COMT: variants seen among roughly 807,000 people sequenced by gnomAD.
The protein encoded by COMT is catechol O-methyltransferase.
In COMT, 13 loss-of-function variants were observed where a neutral mutation model predicts 18.9. That is an observed-to-expected ratio of 0.69 (90% CI 0.45 to 1.09). COMT has a LOEUF of 1.09. Ranked by LOEUF, COMT falls within the 50% of genes least tolerant of loss-of-function variation. The pLI is 0.00. For missense variants in COMT, 329 were observed against 361.8 expected, an observed-to-expected ratio of 0.91 and a Z score of 0.73; for synonymous variants, 150 against 160.9, an observed-to-expected ratio of 0.93 and a Z score of 0.51.
intron 2 of COMT, chr22:19,962,201 C>G: frequency 2.4e-6 from 1 of 413,052 alleles, no homozygotes; most frequent in Admixed American, 3.7e-5. Flanking sequence ...AGCCTGAGTC[C>G]GTGTCTGCTT....
intron 5 of COMT, chr22:19,967,576 C>T (rs1942487110): frequency 2.7e-6 from 1 of 367,084 alleles, no homozygotes. Flanking sequence ...CACCCACCAC[C>T]AGGACAGCTG....
At position 19,968,731 on chromosome 22, in the gene COMT, C is replaced by T. The variant is rs752040355; in HGVS notation, c.811C>T (p.Pro271Ser). 6.4e-7 allele frequency: 1 copy of T among 1,569,056 alleles called. No individual in the cohort carries two copies. The highest frequency in any genetic ancestry group is 1.1e-5 in the South Asian group (1 of 89,304). Residue 271 changes from proline to serine, a missense_variant, in exon 6 of 6, where the codon CCC becomes TCC. By Grantham distance (74) the Pro-to-Ser change is moderately conservative (BLOSUM62 -1). Transcript: ENST00000361682. ...IYKGPGSEAG[P>S] Reference sequence around the variant, plus strand: ...CAAGGGCCCAGGCAGCGAAGCAGGGCCCTGACTGCCCCCCCGGCCCCCCTC... The same window carrying T: ...CAAGGGCCCAGGCAGCGAAGCAGGGTCCTGACTGCCCCCCCGGCCCCCCTC...
intron 1 of COMT, among the ~76,000 whole-genome samples, chr22:19,947,981 T>C (rs1016114544): frequency 6.6e-6 from 1 of 152,216 alleles, no homozygotes; most frequent in African/African-American, 2.4e-5. Flanking sequence ...GCTTGTCTTC[T>C]GGTCACTTCT....
intron 3 of COMT, chr22:19,963,252 G>T: frequency 1.8e-6 from 1 of 542,756 alleles, no homozygotes; most frequent in Non-Finnish European, 3.3e-6. Context: ...ATTCAGAGAG[G>T]GCAGCTCTGT....
At position 19,945,757 on chromosome 22, in the gene COMT, C is replaced by T. The variant is rs538993898; in HGVS notation, c.-92+3860C>T. On this transcript the variant is annotated intron_variant, in intron 1 of 5. Transcript: ENST00000361682. ...CTCAGCTCACTGCAAGCTCCGCCTC[C>T]TGGGTTTACACCATTCTCCTGCCTC... Among the ~76,000 whole-genome samples the T allele has an allele frequency of 2.0e-3, 299 of 152,242 alleles. 4 individuals carry two copies. The highest frequency in any genetic ancestry group is 6.9e-3 in the African/African-American group (288 of 41,546).
intron 5 of COMT, among the ~76,000 whole-genome samples, chr22:19,966,725 G>A (rs1322649094): frequency 6.6e-6 from 1 of 151,992 alleles, no homozygotes; most frequent in Non-Finnish European, 1.5e-5. Flanking sequence ...ACAGGTGTGT[G>A]CTTGGTCTGA....
At chr22:19,963,412 C>A in intron 3 of COMT, 154 bp from the exon 4 acceptor site, 1 of 846,388 alleles carries the variant, frequency 1.2e-6, no homozygotes, top group Non-Finnish European at 1.9e-6. Flanking sequence ...AAATACCCCT[C>A]CAGCGGGTAG....
At chr22:19,946,909 A>AG (rs1491039563) in intron 1 of COMT, among the ~76,000 whole-genome samples, 1,854 of 96,482 alleles carry the variant, frequency 0.019, 94 homozygotes, top group African/African-American at 0.054. Flanking sequence ...ATTTTTTTTT[A>AG]GTTTTTTTTT....
At chr22:19,952,612 C>G (rs1203391629) in intron 1 of COMT, among the ~76,000 whole-genome samples, 1 of 150,384 alleles carries the variant, frequency 6.6e-6, no homozygotes, top group East Asian at 2.0e-4. Context: ...GCACTCTAGC[C>G]TGGGAGACAG....
In COMT at chr22:19,969,000, G is replaced by A. The variant is rs1942593681; in HGVS notation, c.*264G>A. On this transcript the variant is annotated 3_prime_UTR_variant, in exon 6 of 6. Coordinates refer to ENST00000361682, the MANE Select transcript of COMT (RefSeq NM_000754.4). ...TATCATGTTTTAAAAATATAAAATA[G>A]AAATTAAGAATCTAAATATTTAGAT... is the stretch of plus-strand genomic sequence containing the variant. 1 of 359,234 alleles carries A rather than the reference G, an allele frequency of 2.8e-6. No homozygotes were observed. The highest frequency in any genetic ancestry group is 4.2e-5 in the Admixed American group (1 of 23,770). 22.3% of individuals were successfully genotyped at this position (359,234 alleles called of 1,614,324 possible). A position where few individuals can be genotyped will look rare whatever the true frequency, so the allele number is the denominator to read the frequency against.
At position 19,968,660 on chromosome 22, in the gene COMT, T is replaced by C; in HGVS notation, c.740T>C (p.Phe247Ser). The C allele has an allele frequency of 1.2e-6, 2 of 1,614,020 alleles. No individual in the cohort carries two copies. The highest frequency in any genetic ancestry group is 1.7e-6 in the Non-Finnish European group (2 of 1,180,004). Residue 247 changes from phenylalanine to serine, a missense_variant, in exon 6 of 6, where the codon TTC becomes TCC. Phe to Ser is a radical substitution (Grantham distance 155). Transcript: ENST00000361682. ...SCFECTHYQS[F>S]LEYREVVDGL... ...TTTGAGTGCACACACTACCAATCGT[T>C]CCTGGAATACAGGGAGGTGGTGGAC...
chr22:19,960,848 T>C (rs1172972969), intron 1 of COMT, among the ~76,000 whole-genome samples: 2 of 152,272 alleles, frequency 1.3e-5, no homozygotes, highest in Non-Finnish European at 2.9e-5. Context: ...TCCAAGGTAC[T>C]AAGGACTCTT....
intron 1 of COMT, among the ~76,000 whole-genome samples, chr22:19,947,432 A>AT (rs1049952236): frequency 9.2e-5 from 14 of 152,180 alleles, no homozygotes; most frequent in African/African-American, 3.4e-4. Flanking sequence ...CTGCGCTGTT[A>AT]TTTATTGGAT....
intron 1 of COMT, among the ~76,000 whole-genome samples, chr22:19,954,236 TCCCCTGAGCCTGGGGG>T (rs1942012380): frequency 1.1e-5 from 1 of 91,858 alleles, no homozygotes; most frequent in African/African-American, 3.9e-5. Flanking sequence ...AAAAAAGCCT[TCCCCTGAGCCTGGGGG>T]CCTGGCCCCA....
intron 5 of COMT, chr22:19,967,312 C>A (rs756817001): frequency 1.1e-6 from 1 of 913,284 alleles, no homozygotes; most frequent in African/African-American, 1.7e-5. Context: ...GGAAGGCAGC[C>A]GCCCTGCTCA....
At chr22:19,959,240 C>G (rs115770940) in intron 1 of COMT, among the ~76,000 whole-genome samples, 1,780 of 152,338 alleles carry the variant, frequency 0.012, 30 homozygotes, top group African/African-American at 0.04. Flanking sequence ...TGGGTTTCTA[C>G]GTGGCTTTCT....
intron 1 of COMT, among the ~76,000 whole-genome samples, chr22:19,959,702 G>A (rs1430005867): frequency 2.0e-5 from 3 of 152,268 alleles, no homozygotes; most frequent in African/African-American, 4.8e-5. Flanking sequence ...GTTGCTGGAG[G>A]GCCTTGTGAG....
At position 19,954,742 on chromosome 22, in the gene COMT, C is replaced by T. The variant is rs577761616; in HGVS notation, c.-91-6457C>T. ...TGCTGGGATTACAGACGTGAGCCAC[C>T]GTGCCTGGTTGATTGTGCGTTCTGA... On this transcript the variant is annotated intron_variant, in intron 1 of 5. Coordinates refer to ENST00000361682, the MANE Select transcript of COMT (RefSeq NM_000754.4). 3.9e-5 allele frequency among the ~76,000 whole-genome samples: 6 copies of T among 152,306 alleles called. No homozygotes were observed. The South Asian group carries it at 6.2e-4, about 16-fold the overall frequency.
intron 2 of COMT, 52 bp from the exon 3 acceptor site, chr22:19,962,475 G>T: frequency 6.4e-7 from 1 of 1,551,544 alleles, no homozygotes. Context: ...GGGCGTGTGG[G>T]TGCTGCAGGA....
Sources: gnomAD v4.1 joint callset for allele counts (sites outside exome capture counted in the v4.1 genomes callset) on GRCh38, gnomAD v4.1.1 for gene constraint, MANE v1.5 for transcripts, NCBI Gene and HGNC (gene_info 2026-07-23, HGNC 2026-07-21) for gene names.